Variants in TYK2 observed in about 807,000 individuals in gnomAD.
TYK2 encodes the protein non-receptor tyrosine-protein kinase TYK2.
Under a neutral mutation model 130.9 loss-of-function variants are expected in TYK2, and 65 were observed. That is an observed-to-expected ratio of 0.50 (90% CI 0.41 to 0.61). TYK2 has a LOEUF of 0.61. Among genes scored for constraint, TYK2 ranks in the 20% least tolerant of loss-of-function variants. The pLI is 0.00. For missense variants in TYK2, 1,378 were observed against 1,610.7 expected (o/e 0.86, Z 2.47); for synonymous variants, 647 against 658.9 (o/e 0.98, Z 0.28).
At chr19:10,365,145 A>G in intron 7 of TYK2, 97 bp from the exon 8 acceptor site, 2 of 1,381,128 alleles carry the variant, frequency 1.4e-6, no homozygotes, top group Non-Finnish European at 1.9e-6. Flanking sequence ...CAGAAGGGCC[A>G]GGCACCAACC....
rs572863413 is a variant in TYK2, at chr19:10,352,644, C to G, written c.3201-93G>C. 3.9e-6 allele frequency: 3 copies of G among 764,840 alleles called. No homozygotes were observed. The African/African-American group carries it at 5.2e-5, about 13-fold the overall frequency. 47.4% of individuals were successfully genotyped at this position (764,840 alleles called of 1,614,324 possible). A position where few individuals can be genotyped will look rare whatever the true frequency, so the allele number is the denominator to read the frequency against. ...AGCCCTCACCTGAGACTGAAGGACCCTCTGGGCTCAGTTGGGACCCACCCT... is the reference window on the plus strand; with the variant it reads ...AGCCCTCACCTGAGACTGAAGGACCGTCTGGGCTCAGTTGGGACCCACCCT... On this transcript the variant is annotated intron_variant, in intron 22 of 24. Transcript: ENST00000525621.
intron 3 of TYK2, among the ~76,000 whole-genome samples, chr19:10,371,050 C>T (rs1053336923): frequency 6.6e-6 from 1 of 152,090 alleles, no homozygotes; most frequent in East Asian, 2.0e-4. Flanking sequence ...ACTGCACCCT[C>T]GACTTACTGG....
chr19:10,351,200 A>G (rs757254662), intron 23 of TYK2, 38 bp from the exon 24 acceptor site: 3 of 1,570,362 alleles, frequency 1.9e-6, no homozygotes, highest in Non-Finnish European at 2.6e-6. Context: ...TCAAGAGGCA[A>G]TGAAAGGCAG....
At chr19:10,351,188 T>G in intron 23 of TYK2, 26 bp from the exon 24 acceptor site, 2 of 1,599,624 alleles carry the variant, frequency 1.3e-6, no homozygotes, top group Non-Finnish European at 1.7e-6. Context: ...GACAAGCTCT[T>G]TTCAAGAGGC....
chr19:10,379,008 G>A (rs2042275201), intron 2 of TYK2, among the ~76,000 whole-genome samples: 1 of 152,052 alleles, frequency 6.6e-6, no homozygotes, highest in Non-Finnish European at 1.5e-5. Flanking sequence ...GCTGGCGCCT[G>A]CCACCACACC....
At chr19:10,358,833 G>A (rs2041243523) in intron 15 of TYK2, among the ~76,000 whole-genome samples, 1 of 152,082 alleles carries the variant, frequency 6.6e-6, no homozygotes, top group Admixed American at 6.5e-5. Context: ...GGGAGGCTGA[G>A]GCGGATGGAT....
chr19:10,356,809 G>T, intron 17 of TYK2, 91 bp from the exon 18 acceptor site: 1 of 1,353,646 alleles, frequency 7.4e-7, no homozygotes, highest in Non-Finnish European at 1.0e-6. Context: ...AGAGTGGACC[G>T]CCAGGTGCCC....
In TYK2 at chr19:10,350,747, T is replaced by G. The variant is rs1461171945; in HGVS notation, c.*87A>C. ...TGTGGGTGAGGCTGACATCCCCCTC[T>G]TGGTTTCATCCTGGAGCAGGGAGCA... On this transcript the variant is annotated 3_prime_UTR_variant, in exon 25 of 25. Coordinates refer to ENST00000525621, the MANE Select transcript of TYK2 (RefSeq NM_003331.5). 1 of 1,530,858 alleles carries G rather than the reference T, an allele frequency of 6.5e-7. No individual in the cohort carries two copies. The highest frequency in any genetic ancestry group is 2.3e-5 in the East Asian group (1 of 44,318). 94.8% of individuals were successfully genotyped at this position (1,530,858 alleles called of 1,614,324 possible). A position where few individuals can be genotyped will look rare whatever the true frequency, so the allele number is the denominator to read the frequency against.
At chr19:10,354,019 A>G (rs1195653806) in intron 20 of TYK2, 23 bp downstream of exon 20, 3 of 1,612,532 alleles carry the variant, frequency 1.9e-6, no homozygotes, top group Non-Finnish European at 2.5e-6. Context: ...TCAAGTCTCT[A>G]GGACTCGCCG....
chr19:10,352,570 T>A lies in TYK2; in HGVS notation c.3201-19A>T. The A allele has an allele frequency of 5.6e-4, 450 of 802,416 alleles. No individual in the cohort carries two copies. The highest frequency in any genetic ancestry group is 7.9e-4 in the Non-Finnish European group (404 of 508,444). The allele number at this position is 802,416 out of a possible 1,614,324, so 49.7% of individuals were successfully genotyped here. ...GGCATACCTAGGGGGAGGGGGGCAC[T>A]CAGGCCACGGGGGGCTGCACTGAGG... On this transcript the variant is annotated intron_variant, in intron 22 of 24. Coordinates refer to ENST00000525621, the MANE Select transcript of TYK2 (RefSeq NM_003331.5).
rs368015938 is a variant in TYK2, at chr19:10,366,512, G to C, written c.534C>G (p.His178Gln). 3 of 1,613,950 alleles carry C rather than the reference G, an allele frequency of 1.9e-6. No individual in the cohort carries two copies. Among genetic ancestry groups the C allele is most frequent in the African/African-American group, 2.7e-5 (2 of 74,888 alleles). Reference sequence around the variant, plus strand: ...CCATGCCCAGGCTCTCATTCTTAAAGTGGTGGATCTCCTCCTCGGTCGACA... The same window carrying C: ...CCATGCCCAGGCTCTCATTCTTAAACTGGTGGATCTCCTCCTCGGTCGACA... ...WELSTEEEIH[H>Q]FKNESLGMAF... Residue 178 changes from histidine to glutamine, a missense_variant, in exon 6 of 25, where the codon CAC becomes CAG. Physicochemically the swap from His to Gln is conservative, Grantham distance 24 (BLOSUM62 0). Transcript: ENST00000525621.
In TYK2 at chr19:10,350,576, C is replaced by A; in HGVS notation, c.*258G>T. 2 of 518,664 alleles carry A rather than the reference C, an allele frequency of 3.9e-6. No individual in the cohort carries two copies. The highest frequency in any genetic ancestry group is 7.0e-6 in the Non-Finnish European group (2 of 286,438). 32.1% of individuals were successfully genotyped at this position (518,664 alleles called of 1,614,324 possible). ...ATTACCAGATGGTGGAGATGGTGGG[C>A]CTCAAGTTTGGAAGCTGGGGGATTT... On this transcript the variant is annotated 3_prime_UTR_variant, in exon 25 of 25. Transcript: ENST00000525621.
At chr19:10,356,205 C>A (rs965325511) in intron 18 of TYK2, among the ~76,000 whole-genome samples, 8 of 151,978 alleles carry the variant, frequency 5.3e-5, no homozygotes, top group African/African-American at 1.9e-4. Context: ...ATGGCAAAAC[C>A]CCACCTCTAC....
chr19:10,362,645 C>A lies in TYK2; in HGVS notation c.1380G>T (p.Val460=). Residue 460 remains valine (V), a synonymous_variant, in exon 10 of 25, where the codon GTG becomes GTT. Transcript: ENST00000525621. The part of the protein sequence containing the change: ...GIHGPLLEPF[V]QAKLRPEDGL... ...CGTCCTCGGGCCGCAGCTTGGCCTG[C>A]ACAAATGGCTCCCTGGAAGGTGGTC... 1.3e-6 allele frequency: 2 copies of A among 1,551,614 alleles called. No homozygotes were observed. The highest frequency in any genetic ancestry group is 1.7e-6 in the Non-Finnish European group (2 of 1,146,914).
At chr19:10,357,536 A>G (rs1183830998) in intron 17 of TYK2, 1 of 725,470 alleles carries the variant, frequency 1.4e-6, no homozygotes, top group South Asian at 1.5e-5. Flanking sequence ...TAAAACTGAA[A>G]TCAAGTCTCT....
chr19:10,364,063 G>T lies in TYK2; in HGVS notation c.1367+551C>A, dbSNP rs1420601975. 6.6e-6 allele frequency among the ~76,000 whole-genome samples: 1 copy of T among 152,180 alleles called. No homozygotes were observed. Among genetic ancestry groups the T allele is most frequent in the African/African-American group, 2.4e-5 (1 of 41,444 alleles). On this transcript the variant is annotated intron_variant, in intron 9 of 24. Coordinates refer to ENST00000525621, the MANE Select transcript of TYK2 (RefSeq NM_003331.5). This position sits in a 1 kb window ranked among gnomAD's most constrained non-coding sequence, Gnocchi z 4.9. ...CCTCAGGCCCACAAGTCACACACAGGACCCCGCTGAGATGGTGACTCACAA... is the reference window on the plus strand; with the variant it reads ...CCTCAGGCCCACAAGTCACACACAGTACCCCGCTGAGATGGTGACTCACAA...
rs755326679 is a variant in TYK2, at chr19:10,351,067, G to A, written c.3414C>T (p.Asp1138=). ...LERGERLPRP[D]KCPCEVYHLM... Reference sequence around the variant, plus strand: ...GAAGTCTCACCTCACAGGGACATTTGTCGGGCCGTGGCAGCCTCTCCCCTC... The same window carrying A: ...GAAGTCTCACCTCACAGGGACATTTATCGGGCCGTGGCAGCCTCTCCCCTC... Residue 1138 remains aspartate, a synonymous_variant, in exon 24 of 25, where the codon GAC becomes GAT. Coordinates refer to ENST00000525621, the MANE Select transcript of TYK2 (RefSeq NM_003331.5). The A allele has an allele frequency of 3.1e-6, 5 of 1,614,056 alleles. No homozygotes were observed. The East Asian group carries it at 1.1e-4, about 36-fold the overall frequency.
At chr19:10,354,634 G>T in intron 18 of TYK2, 25 bp from the exon 19 acceptor site, 1 of 1,587,706 alleles carries the variant, frequency 6.3e-7, no homozygotes, top group Non-Finnish European at 8.6e-7. Context: ...GTGGGTAAAG[G>T]CCTGACCCCG....
At chr19:10,367,641 C>A (rs1202184894) in intron 5 of TYK2, among the ~76,000 whole-genome samples, 1 of 150,684 alleles carries the variant, frequency 6.6e-6, no homozygotes, top group Non-Finnish European at 1.5e-5. Flanking sequence ...AAAAGATCGG[C>A]TGGGAGCGGT....
Sources: gnomAD v4.1 joint callset for allele counts (sites outside exome capture counted in the v4.1 genomes callset) on GRCh38, gnomAD v4.1.1 for gene constraint, Gnocchi (gnomAD v3.1) non-coding constraint, MANE v1.5 for transcripts, NCBI Gene and HGNC (gene_info 2026-07-23, HGNC 2026-07-21) for gene names.